LIPH: variants seen among roughly 807,000 people sequenced by gnomAD.
LIPH encodes the protein lipase member H.
LIPH carries 32 observed loss-of-function variants against 47.6 expected under a neutral mutation model. The ratio of observed to expected loss-of-function variants is 0.67; its 90% confidence interval spans 0.51 to 0.90. The LOEUF (loss-of-function observed/expected upper bound fraction) is 0.90. LIPH is among the 40% of genes least tolerant of loss of function. LIPH has a pLI of 0.00. For synonymous variants in LIPH, 190 were observed against 195.6 expected (o/e 0.97, Z 0.24); for missense variants, 497 against 541.4 (o/e 0.92, Z 0.81).
intron 3 of LIPH, among the ~76,000 whole-genome samples, chr3:185,532,020 A>G (rs1217832627): frequency 6.6e-6 from 1 of 151,924 alleles, no homozygotes; most frequent in Non-Finnish European, 1.5e-5. Context: ...GCTTTTTCTT[A>G]TTGCTCTAAG....
chr3:185,549,000 T>C (rs147204996), intron 1 of LIPH, among the ~76,000 whole-genome samples: 7,254 of 151,358 alleles, frequency 0.048, 284 homozygotes, highest in East Asian at 0.24. Context: ...GGCGTGGTGG[T>C]GGGTGCCTGT....
At chr3:185,524,826 A>G (rs1720017968) in intron 4 of LIPH, among the ~76,000 whole-genome samples, 1 of 152,184 alleles carries the variant, frequency 6.6e-6, no homozygotes, top group Non-Finnish European at 1.5e-5. Flanking sequence ...TGTATAACTA[A>G]TAAATAGGAT....
At chr3:185,543,932 C>A (rs985405251) in intron 1 of LIPH, among the ~76,000 whole-genome samples, 5 of 149,484 alleles carry the variant, frequency 3.3e-5, no homozygotes, top group Non-Finnish European at 4.4e-5. Context: ...CTCACTGTAA[C>A]CTCCACCTCC....
intron 5 of LIPH, among the ~76,000 whole-genome samples, chr3:185,522,649 A>AAAGAAAGAAAGAAAG (rs55836109): frequency 5.4e-5 from 5 of 92,014 alleles, no homozygotes. Flanking sequence ...AGAGAGAAAG[A>AAAGAAAGAAAGAAAG]AAAAGAAAGA....
At chr3:185,519,588 C>T (rs1719837063) in intron 5 of LIPH, among the ~76,000 whole-genome samples, 1 of 152,042 alleles carries the variant, frequency 6.6e-6, no homozygotes, top group Non-Finnish European at 1.5e-5. Context: ...GTAATCCCAG[C>T]ACTTTAGGAG....
chr3:185,527,462 C>T lies in LIPH; in HGVS notation c.628+22G>A, dbSNP rs1271167860. On this transcript the variant is annotated intron_variant, in intron 4 of 9. Transcript: ENST00000296252. ...TTTAGGAGCCTGGCGGTGTCACTGACCCACAAGGAAAGGAGCGTTACCATC... is the reference window on the plus strand; with the variant it reads ...TTTAGGAGCCTGGCGGTGTCACTGATCCACAAGGAAAGGAGCGTTACCATC... 3 of 1,532,962 alleles carry T rather than the reference C, an allele frequency of 2.0e-6. No homozygotes were observed. The African/African-American group carries it at 4.1e-5, about 21-fold the overall frequency. The allele number at this position is 1,532,962 out of a possible 1,614,324, so 95.0% of individuals were successfully genotyped here. A position where few individuals can be genotyped will look rare whatever the true frequency, so the allele number is the denominator to read the frequency against.
In LIPH at chr3:185,552,564, A is replaced by T. The variant is rs1721082557; in HGVS notation, c.-93T>A. ...CCACTGTGGGATTTTGCTCACAGTG[A>T]GCTCAGACGACTCAGAGGTGTGGTG... is the stretch of plus-strand genomic sequence containing the variant. On this transcript the variant is annotated 5_prime_UTR_variant, in exon 1 of 10. Transcript: ENST00000296252. 1 of 888,010 alleles carries T rather than the reference A, an allele frequency of 1.1e-6. No individual in the cohort carries two copies. The highest frequency in any genetic ancestry group is 1.8e-5 in the Admixed American group (1 of 56,744). 55.0% of individuals were successfully genotyped at this position (888,010 alleles called of 1,614,324 possible).
intron 3 of LIPH, among the ~76,000 whole-genome samples, chr3:185,529,586 T>C (rs1720246194): frequency 6.6e-6 from 1 of 151,170 alleles, no homozygotes. Flanking sequence ...CCTACCTGGT[T>C]CTAGCTTTAA....
In LIPH at chr3:185,545,937, C is replaced by A. The variant is rs1046301153; in HGVS notation, c.49+6486G>T. On this transcript the variant is annotated intron_variant, in intron 1 of 9. Coordinates refer to ENST00000296252, the MANE Select transcript of LIPH (RefSeq NM_139248.3). ...TTGGGAGGCTGACGCAGGCAGATCACCTGAGGTCAGGAGTTTGAGACCAGC... is the reference window on the plus strand; with the variant it reads ...TTGGGAGGCTGACGCAGGCAGATCAACTGAGGTCAGGAGTTTGAGACCAGC... Among the ~76,000 whole-genome samples, 7 of 151,956 alleles carry A rather than the reference C, an allele frequency of 4.6e-5. No individual in the cohort carries two copies. In the East Asian group the frequency reaches 1.4e-3, roughly 29 times the overall value.
At chr3:185,548,420 A>C (rs1236465848) in intron 1 of LIPH, among the ~76,000 whole-genome samples, 20 of 151,466 alleles carry the variant, frequency 1.3e-4, no homozygotes, top group Admixed American at 4.6e-4. Context: ...AAGGAAAAAA[A>C]AAACAACAAA....
intron 1 of LIPH, among the ~76,000 whole-genome samples, chr3:185,537,143 C>T (rs1720526887): frequency 6.6e-6 from 1 of 152,146 alleles, no homozygotes. Context: ...CCTTGGCCTC[C>T]CAAAGTGTTG....
chr3:185,520,249 G>A lies in LIPH; in HGVS notation c.719-940C>T, dbSNP rs981455966. 2.0e-5 allele frequency among the ~76,000 whole-genome samples: 3 copies of A among 152,170 alleles called. No individual in the cohort carries two copies. In the South Asian group the frequency reaches 6.2e-4, roughly 31 times the overall value. ...TAAAAGTAAATTGCTGGCTGGGCAT[G>A]GTGGCTCACGCCTATAATCCCAGCA... On this transcript the variant is annotated intron_variant, in intron 5 of 9. Coordinates refer to ENST00000296252, the MANE Select transcript of LIPH (RefSeq NM_139248.3).
intron 3 of LIPH, among the ~76,000 whole-genome samples, chr3:185,529,363 T>C (rs1228676319): frequency 4.0e-5 from 6 of 150,558 alleles, no homozygotes; most frequent in Non-Finnish European, 7.4e-5. Flanking sequence ...GTGTTACATA[T>C]AAAATGCAAG....
In LIPH at chr3:185,528,155, C is replaced by G. The variant is rs1720169854; in HGVS notation, c.527-570G>C. On this transcript the variant is annotated intron_variant, in intron 3 of 9. Coordinates refer to ENST00000296252, the MANE Select transcript of LIPH (RefSeq NM_139248.3). ...AGGAGGATCGCTTGAACCCGGGAGGCAGAGGTTACAGTGAGCCAAGATCAT... is the reference window on the plus strand; with the variant it reads ...AGGAGGATCGCTTGAACCCGGGAGGGAGAGGTTACAGTGAGCCAAGATCAT... Among the ~76,000 whole-genome samples, 3 of 150,786 alleles carry G rather than the reference C, an allele frequency of 2.0e-5. No homozygotes were observed. The South Asian group carries it at 6.3e-4, about 32-fold the overall frequency.
intron 1 of LIPH, among the ~76,000 whole-genome samples, chr3:185,548,529 A>G (rs1012677822): frequency 1.3e-5 from 2 of 151,246 alleles, no homozygotes; most frequent in African/African-American, 4.9e-5. Context: ...GGAGTTCGAG[A>G]CCAGCCTGGC....
intron 4 of LIPH, among the ~76,000 whole-genome samples, chr3:185,526,661 A>ATAAT (rs1560162934): frequency 2.0e-5 from 2 of 100,638 alleles, no homozygotes; most frequent in Non-Finnish European, 4.3e-5. Context: ...TAAAATAAAA[A>ATAAT]ATAATATAAT....
At chr3:185,530,659 G>A (rs911505161) in intron 3 of LIPH, among the ~76,000 whole-genome samples, 2 of 152,028 alleles carry the variant, frequency 1.3e-5, no homozygotes, top group African/African-American at 4.8e-5. Context: ...GACAGAGTGA[G>A]ACTGTGTCTC....
At chr3:185,514,145 A>G (rs183546042) in intron 8 of LIPH, among the ~76,000 whole-genome samples, 2 of 152,218 alleles carry the variant, frequency 1.3e-5, no homozygotes, top group Admixed American at 6.5e-5. Flanking sequence ...AGAGGGAAAG[A>G]GGGAGGAAAG....
chr3:185,522,177 C>T (rs55797844), intron 5 of LIPH, among the ~76,000 whole-genome samples: 50,355 of 151,922 alleles, frequency 0.33, 9,037 homozygotes, highest in Non-Finnish European at 0.4. Context: ...ATACAGGGAC[C>T]GTCCAGTGAC....
Sources: gnomAD v4.1 joint callset for allele counts (sites outside exome capture counted in the v4.1 genomes callset) on GRCh38, gnomAD v4.1.1 for gene constraint, MANE v1.5 for transcripts, NCBI Gene and HGNC (gene_info 2026-07-23, HGNC 2026-07-21) for gene names.